The following TMX3 variants were observed in gnomAD, a reference collection of about 807,000 sequenced individuals.
TMX3 encodes the protein protein disulfide-isomerase TMX3.
In TMX3, 40 loss-of-function variants were observed where a neutral mutation model predicts 64.4. That is an observed-to-expected ratio of 0.62 (90% CI 0.48 to 0.81). The LOEUF (loss-of-function observed/expected upper bound fraction) is 0.81, where lower values mean the gene tolerates loss of function less well. TMX3 is among the 30% of genes least tolerant of loss of function. The pLI is 0.00. For missense variants in TMX3, 497 were observed against 534.5 expected (o/e 0.93, Z 0.69); for synonymous variants, 189 against 175.7 (o/e 1.08, Z -0.60).
intron 10 of TMX3, among the ~76,000 whole-genome samples, chr18:68,685,979 TA>T (rs1367136789): frequency 6.6e-6 from 1 of 152,042 alleles, no homozygotes; most frequent in Non-Finnish European, 1.5e-5. Flanking sequence ...CAAACTTGGG[TA>T]AAAATGATAA....
rs1005971210 is a variant in TMX3, at chr18:68,682,081, A to G, written c.905+844T>C. Among the ~76,000 whole-genome samples the G allele has an allele frequency of 2.0e-5, 3 of 152,248 alleles. No individual in the cohort carries two copies. In the South Asian group the frequency reaches 6.2e-4, roughly 32 times the overall value. On this transcript the variant is annotated intron_variant, in intron 13 of 15. Transcript: ENST00000299608. ...GCGGGGTGGGGAAGGTGAGGATGGG[A>G]AAGTATCTCTCTCCCAGCCCTGTCC...
intron 8 of TMX3, among the ~76,000 whole-genome samples, chr18:68,696,493 T>C (rs948533624): frequency 6.6e-6 from 1 of 150,824 alleles, no homozygotes; most frequent in Non-Finnish European, 1.5e-5. Flanking sequence ...TACTATTTTT[T>C]TGAGACAGAG....
chr18:68,700,311 T>A lies in TMX3; in HGVS notation c.392+94A>T, dbSNP rs2029909016. Reference sequence around the variant, plus strand: ...ATCAAATAAATTTTACCTAGGTATGTCCTTAAAATATGTTTGTTCAATACA... The same window carrying A: ...ATCAAATAAATTTTACCTAGGTATGACCTTAAAATATGTTTGTTCAATACA... On this transcript the variant is annotated intron_variant, in intron 6 of 15. Transcript: ENST00000299608. The A allele has an allele frequency of 4.8e-6, 4 of 825,772 alleles. No individual in the cohort carries two copies. The South Asian group carries it at 8.9e-5, about 18-fold the overall frequency. The allele number at this position is 825,772 out of a possible 1,614,324, so 51.2% of individuals were successfully genotyped here. A position where few individuals can be genotyped will look rare whatever the true frequency, so the allele number is the denominator to read the frequency against.
At chr18:68,694,863 T>G (rs780559423) in intron 8 of TMX3, among the ~76,000 whole-genome samples, 60 of 152,310 alleles carry the variant, frequency 3.9e-4, no homozygotes, top group South Asian at 6.2e-4. Flanking sequence ...TCGGCAAGTC[T>G]GTAATCTTAA....
At chr18:68,680,936 T>C (rs2145010247) in intron 14 of TMX3, 45 bp downstream of exon 14, 1 of 1,507,554 alleles carries the variant, frequency 6.6e-7, no homozygotes, top group South Asian at 1.4e-5. Context: ...GTTTCTCCTC[T>C]ACCCCCTGTC....
At chr18:68,705,156 T>A (rs2030536983) in intron 4 of TMX3, among the ~76,000 whole-genome samples, 1 of 152,086 alleles carries the variant, frequency 6.6e-6, no homozygotes, top group African/African-American at 2.4e-5. Flanking sequence ...ACAACTGGTA[T>A]CTAGTGGGCA....
rs561773059 is a variant in TMX3, at chr18:68,680,819, C to T, written c.1035+162G>A. On this transcript the variant is annotated intron_variant, in intron 14 of 15. Coordinates refer to ENST00000299608, the MANE Select transcript of TMX3 (RefSeq NM_019022.5). Reference sequence around the variant, plus strand: ...ACCTTCTGTATCTGGGAGAATGTACCTCTACTCTGCCTATAATTGGACAGA... The same window carrying T: ...ACCTTCTGTATCTGGGAGAATGTACTTCTACTCTGCCTATAATTGGACAGA... Among the ~76,000 whole-genome samples the T allele has an allele frequency of 3.3e-5, 5 of 152,264 alleles. No homozygotes were observed. The East Asian group carries it at 7.7e-4, about 24-fold the overall frequency.
intron 9 of TMX3, chr18:68,689,801 C>T (rs911616036): frequency 6.6e-6 from 1 of 152,114 alleles, no homozygotes; most frequent in Non-Finnish European, 1.5e-5. Context: ...ATATGATAAA[C>T]CTGCTATTTA....
intron 5 of TMX3, chr18:68,701,535 C>G (rs2030062885): frequency 7.8e-6 from 9 of 1,159,988 alleles, no homozygotes; most frequent in Admixed American, 2.3e-5. Flanking sequence ...AAGCAAAACA[C>G]GTGAATTAGC....
chr18:68,711,335 T>G (rs767278163), intron 3 of TMX3, 29 bp downstream of exon 3: 1 of 1,548,388 alleles, frequency 6.5e-7, no homozygotes, highest in Non-Finnish European at 8.8e-7. Flanking sequence ...TAGGGGTGGG[T>G]AATTAGCATA....
Position 68,677,014 on chromosome 18 carries a change from T to C in TMX3, c.1284A>G (p.Glu428=), listed in dbSNP as rs146111624. ...ATCCTCCACTGCTGGGCTCCTGCTG[T>C]TCTTTGCTCTCTTCTATCTGTTCTT... is the stretch of plus-strand genomic sequence containing the variant. ...ENQEQIEESK[E]QQEPSSGGSV... The change falls in exon 16 of 16, where the codon GAA becomes GAG. Residue 428 remains glutamate (E), a synonymous_variant. Coordinates refer to ENST00000299608, the MANE Select transcript of TMX3 (RefSeq NM_019022.5). 111 of 1,613,884 alleles carry C rather than the reference T, an allele frequency of 6.9e-5. No individual in the cohort carries two copies. In the African/African-American group the frequency reaches 1.1e-3, roughly 15 times the overall value.
intron 4 of TMX3, among the ~76,000 whole-genome samples, chr18:68,708,273 A>G (rs1040138831): frequency 6.6e-6 from 1 of 152,046 alleles, no homozygotes; most frequent in African/African-American, 2.4e-5. Context: ...CATTTGGGTG[A>G]CTCAATAATT....
At chr18:68,690,177 CCTTT>C (rs1914379125) in intron 9 of TMX3, among the ~76,000 whole-genome samples, 1 of 152,048 alleles carries the variant, frequency 6.6e-6, no homozygotes, top group Non-Finnish European at 1.5e-5. Flanking sequence ...GTCCTAGGTT[CCTTT>C]CTGTCACATA....
chr18:68,700,521 T>C (rs919133276), intron 5 of TMX3, 36 bp from the exon 6 acceptor site: 25 of 1,372,224 alleles, frequency 1.8e-5, no homozygotes, highest in Non-Finnish European at 2.5e-5. Flanking sequence ...CCTGGATTGT[T>C]CTAACAGTTT....
At chr18:68,700,641 A>T in intron 5 of TMX3, 156 bp from the exon 6 acceptor site, 1 of 781,580 alleles carries the variant, frequency 1.3e-6, no homozygotes, top group Non-Finnish European at 1.6e-6. Context: ...GGTAGACATT[A>T]GGCTTGCCAG....
chr18:68,691,859 C>T (rs913048558), intron 8 of TMX3, among the ~76,000 whole-genome samples: 5 of 152,112 alleles, frequency 3.3e-5, no homozygotes, highest in African/African-American at 9.7e-5. Flanking sequence ...TCAGAAAGTA[C>T]CAGCTGCTTA....
rs2031772160 is a variant in TMX3, at chr18:68,714,814, GA to G, written c.46+121del. ...GGCGGGGGCGGCAGGACGCTGCCGG[GA>G]ATGGGTGGGCATCTCCACGAACCCC... is the stretch of plus-strand genomic sequence containing the variant. On this transcript the variant is annotated intron_variant, in intron 1 of 15. Transcript: ENST00000299608. 4 of 1,326,020 alleles carry G rather than the reference GA, an allele frequency of 3.0e-6. No homozygotes were observed. In the African/African-American group the frequency reaches 6.2e-5, roughly 20 times the overall value. The allele number at this position is 1,326,020 out of a possible 1,614,324, so 82.1% of individuals were successfully genotyped here.
At chr18:68,685,888 G>A (rs1265473824) in intron 10 of TMX3, among the ~76,000 whole-genome samples, 2 of 152,186 alleles carry the variant, frequency 1.3e-5, no homozygotes, top group Non-Finnish European at 2.9e-5. Context: ...AATTAACTGA[G>A]TATTTCCAAG....
chr18:68,683,614 G>A (rs184712330), intron 12 of TMX3, among the ~76,000 whole-genome samples: 15 of 152,042 alleles, frequency 9.9e-5, no homozygotes, highest in African/African-American at 3.4e-4. Flanking sequence ...TACATAAAAC[G>A]CATCTCAAAT....
Sources: allele counts gnomAD v4.1 joint callset (sites outside exome capture counted in the v4.1 genomes callset), GRCh38; gene constraint gnomAD v4.1.1; transcripts MANE v1.5; gene names NCBI Gene and HGNC (gene_info 2026-07-23, HGNC 2026-07-21).